The following SLC1A7 variants were observed in gnomAD, a reference collection of about 807,000 sequenced individuals.
SLC1A7 encodes excitatory amino acid transporter 5.
Under a neutral mutation model 47.7 loss-of-function variants are expected in SLC1A7, and 40 were observed. That is an observed-to-expected ratio of 0.84 (90% CI 0.65 to 1.09). SLC1A7 has a LOEUF of 1.09. Among genes scored for constraint, SLC1A7 ranks in the 50% least tolerant of loss-of-function variants. The probability of loss-of-function intolerance (pLI) is 0.00; values close to 1 mark genes in which losing one functional copy is unlikely to be tolerated. For missense variants in SLC1A7, 746 were observed against 769.5 expected, an observed-to-expected ratio of 0.97 and a Z score of 0.36; for synonymous variants, 323 against 325.6, an observed-to-expected ratio of 0.99 and a Z score of 0.09.
At chr1:53,100,755 C>G (rs1346465616) in intron 5 of SLC1A7, among the ~76,000 whole-genome samples, 1 of 150,864 alleles carries the variant, frequency 6.6e-6, no homozygotes, top group Non-Finnish European at 1.5e-5. Context: ...CCTTGGTACA[C>G]TCACACACTG....
chr1:53,092,938 C>T (rs1644442105), intron 6 of SLC1A7, 151 bp from the exon 7 acceptor site: 1 of 622,858 alleles, frequency 1.6e-6, no homozygotes, highest in East Asian at 2.8e-5. Flanking sequence ...CCAGGCTCAG[C>T]ACATGGCGTC....
At chr1:53,105,344 T>A (rs1006500534) in intron 4 of SLC1A7, among the ~76,000 whole-genome samples, 1 of 152,182 alleles carries the variant, frequency 6.6e-6, no homozygotes, top group African/African-American at 2.4e-5. Flanking sequence ...CTTTGTCATT[T>A]ACTAGTGGTA....
chr1:53,135,983 CT>C (rs1255275541), intron 1 of SLC1A7, among the ~76,000 whole-genome samples: 3 of 151,844 alleles, frequency 2.0e-5, no homozygotes, highest in African/African-American at 7.3e-5. Context: ...CTCTTGAGAT[CT>C]TCTAGCCCAG....
At chr1:53,104,850 A>C (rs1448944006) in intron 4 of SLC1A7, among the ~76,000 whole-genome samples, 1 of 152,228 alleles carries the variant, frequency 6.6e-6, no homozygotes, top group Non-Finnish European at 1.5e-5. Context: ...AAAGAATTGG[A>C]AATTATTCAA....
chr1:53,092,694 TGA>T lies in SLC1A7; in HGVS notation c.889_890del (p.Val298HisfsTer145). On this transcript the variant is annotated frameshift_variant, in exon 7 of 11. Transcript: ENST00000371494. LOFTEE classifies it high-confidence loss of function. ...RAVGKKLGFY[S>X]VTVVCGLVLH... ...GCACCAGCCCGCACACCACGGTGAC[TGA>T]GTAGAAGCCCAGCTTCTTGCCGACG... 1 of 1,614,000 alleles carries T rather than the reference TGA, an allele frequency of 6.2e-7. No individual in the cohort carries two copies. The highest frequency in any genetic ancestry group is 8.5e-7 in the Non-Finnish European group (1 of 1,179,936).
In SLC1A7 at chr1:53,108,563, T is replaced by C. The variant is rs868770496; in HGVS notation, c.432-2789A>G. ...GTGGAAGTCGTTGGGTGGTGATTCC[T>C]GGAAAACTCTTAAGGAGGTGCCCAT... On this transcript the variant is annotated intron_variant, in intron 3 of 10. Transcript: ENST00000371494. 1.8e-5 allele frequency: 13 copies of C among 717,980 alleles called. No individual in the cohort carries two copies. In the Middle Eastern group the frequency reaches 2.7e-3, roughly 152 times the overall value. 44.5% of individuals were successfully genotyped at this position (717,980 alleles called of 1,614,324 possible).
At chr1:53,101,055 G>A (rs971647745) in intron 5 of SLC1A7, among the ~76,000 whole-genome samples, 18 of 144,540 alleles carry the variant, frequency 1.2e-4, no homozygotes, top group Middle Eastern at 4.0e-3. Flanking sequence ...CACAAAACCC[G>A]CCTCGGTACA....
At chr1:53,114,146 C>A (rs1572329178) in intron 3 of SLC1A7, among the ~76,000 whole-genome samples, 1 of 152,156 alleles carries the variant, frequency 6.6e-6, no homozygotes, top group Non-Finnish European at 1.5e-5. Context: ...AGGACAGGAG[C>A]AGGGGTGACC....
In SLC1A7 at chr1:53,088,860, G is replaced by A; in HGVS notation, c.1464+17C>T. 1.3e-6 allele frequency: 2 copies of A among 1,578,220 alleles called. No homozygotes were observed. Among genetic ancestry groups the A allele is most frequent in the Non-Finnish European group, 1.7e-6 (2 of 1,150,064 alleles). On this transcript the variant is annotated intron_variant, in intron 10 of 10. Coordinates refer to ENST00000371494, the MANE Select transcript of SLC1A7 (RefSeq NM_006671.6). ...GGCTCCACCCTCCTGGCAGCCTCTG[G>A]ATCTCACTGCTCTCACCTCGGTGCC...
intron 2 of SLC1A7, among the ~76,000 whole-genome samples, chr1:53,131,301 C>G (rs1420073379): frequency 1.3e-5 from 2 of 152,232 alleles, no homozygotes; most frequent in Non-Finnish European, 2.9e-5. Flanking sequence ...GTCGAGGACC[C>G]TGGCCTCTGA....
In SLC1A7 at chr1:53,087,554, C is replaced by T. The variant is rs925315875; in HGVS notation, c.*455G>A. On this transcript the variant is annotated 3_prime_UTR_variant, in exon 11 of 11. Transcript: ENST00000371494. ...GGGGAGAACTGTGTGGCTGAGGCCA[C>T]CTGTTATGGGGTGGGGCCTGGGCCT... 1.3e-5 allele frequency: 2 copies of T among 152,904 alleles called. No individual in the cohort carries two copies. The highest frequency in any genetic ancestry group is 4.8e-5 in the African/African-American group (2 of 41,498). The allele number at this position is 152,904 out of a possible 1,614,324, so 9.5% of individuals were successfully genotyped here. A position where few individuals can be genotyped will look rare whatever the true frequency, so the allele number is the denominator to read the frequency against.
rs1236577356 is a variant in SLC1A7, at chr1:53,088,281, G to A, written c.1465-54C>T. 6 of 1,434,668 alleles carry A rather than the reference G, an allele frequency of 4.2e-6. No individual in the cohort carries two copies. The African/African-American group carries it at 4.2e-5, about 10-fold the overall frequency. 88.9% of individuals were successfully genotyped at this position (1,434,668 alleles called of 1,614,324 possible). A position where few individuals can be genotyped will look rare whatever the true frequency, so the allele number is the denominator to read the frequency against. On this transcript the variant is annotated intron_variant, in intron 10 of 10. Coordinates refer to ENST00000371494, the MANE Select transcript of SLC1A7 (RefSeq NM_006671.6). ...AGCAGGAGGGACCAAGGTTAGATAC[G>A]AGGGAGGACTGAGGGCCAGTGGGGC...
chr1:53,097,837 ACC>A (rs1644516198), intron 5 of SLC1A7, among the ~76,000 whole-genome samples: 1 of 145,618 alleles, frequency 6.9e-6, no homozygotes, highest in Admixed American at 6.8e-5. Flanking sequence ...CATTCACACA[ACC>A]CACCTTGGTA....
intron 2 of SLC1A7, among the ~76,000 whole-genome samples, chr1:53,122,883 C>T (rs1336719823): frequency 2.0e-5 from 3 of 152,160 alleles, no homozygotes; most frequent in Non-Finnish European, 4.4e-5. Flanking sequence ...CCACATGGAC[C>T]AAACCTCTTG....
chr1:53,114,178 G>T (rs1644730067), intron 3 of SLC1A7, among the ~76,000 whole-genome samples: 1 of 152,118 alleles, frequency 6.6e-6, no homozygotes, highest in Non-Finnish European at 1.5e-5. Context: ...CGGGGAAAGG[G>T]AGTGGAAGGT....
intron 3 of SLC1A7, chr1:53,108,012 C>T (rs1644663198): frequency 6.6e-6 from 1 of 152,552 alleles, no homozygotes; most frequent in African/African-American, 2.4e-5. Context: ...AATGACAGTG[C>T]ACAATGTGGG....
At position 53,097,181 on chromosome 1, in the gene SLC1A7, A is replaced by T. The variant is rs1042487193; in HGVS notation, c.698-3621T>A. On this transcript the variant is annotated intron_variant, in intron 5 of 10. Transcript: ENST00000371494. ...ATGCCCCACCTCAGTACACTCACAG[A>T]TACCACCTCAGAACATTCACACACC... Among the ~76,000 whole-genome samples the T allele has an allele frequency of 7.4e-5, 11 of 148,520 alleles. No individual in the cohort carries two copies. In the East Asian group the frequency reaches 2.2e-3, roughly 30 times the overall value.
At chr1:53,121,747 G>A (rs1644827475) in intron 2 of SLC1A7, among the ~76,000 whole-genome samples, 1 of 152,208 alleles carries the variant, frequency 6.6e-6, no homozygotes, top group Non-Finnish European at 1.5e-5. Context: ...ACCGGGGTGG[G>A]AGGGGGAGGC....
intron 1 of SLC1A7, 75 bp from the exon 2 acceptor site, chr1:53,134,504 G>A (rs1557691848): frequency 1.0e-6 from 1 of 953,916 alleles, no homozygotes; most frequent in Non-Finnish European, 1.6e-6. Context: ...CACAGTCTTT[G>A]AAGCACTATC....
Sources: gnomAD v4.1 joint callset for allele counts (sites outside exome capture counted in the v4.1 genomes callset) on GRCh38, gnomAD v4.1.1 for gene constraint, MANE v1.5 for transcripts, NCBI Gene and HGNC (gene_info 2026-07-23, HGNC 2026-07-21) for gene names.